The following SH3GL2 variants were observed in gnomAD, a reference collection of about 807,000 sequenced individuals.
The protein encoded by SH3GL2 is endophilin-A1.
In SH3GL2, 24 loss-of-function variants were observed where a neutral mutation model predicts 46.0. That is an observed-to-expected ratio of 0.52 (90% confidence interval 0.38 to 0.73). The LOEUF (loss-of-function observed/expected upper bound fraction) is 0.73, where lower values mean the gene tolerates loss of function less well. SH3GL2 is among the 30% of genes least tolerant of loss of function. SH3GL2 has a pLI of 0.00. For missense variants in SH3GL2, 413 were observed against 424.2 expected (o/e 0.97, Z 0.23); for synonymous variants, 196 against 147.1 (o/e 1.33, Z -2.40).
intron 1 of SH3GL2, among the ~76,000 whole-genome samples, chr9:17,636,534 T>A (rs998780787): frequency 6.6e-6 from 1 of 152,218 alleles, no homozygotes; most frequent in African/African-American, 2.4e-5. Flanking sequence ...TGGAGTCATG[T>A]CACAGTACAA....
chr9:17,672,115 A>G (rs1291482949), intron 1 of SH3GL2, among the ~76,000 whole-genome samples: 2 of 152,216 alleles, frequency 1.3e-5, no homozygotes, highest in Non-Finnish European at 2.9e-5. Flanking sequence ...TCTACTCTGC[A>G]GTGTGAGGTA....
At chr9:17,683,749 G>A (rs894047066) in intron 1 of SH3GL2, among the ~76,000 whole-genome samples, 1 of 152,024 alleles carries the variant, frequency 6.6e-6, no homozygotes, top group Non-Finnish European at 1.5e-5. Flanking sequence ...CCTCCCTAAG[G>A]TACAGGCACA....
intron 1 of SH3GL2, among the ~76,000 whole-genome samples, chr9:17,730,287 T>C (rs1336943612): frequency 6.6e-6 from 1 of 152,146 alleles, no homozygotes; most frequent in African/African-American, 2.4e-5. Context: ...GGAATGTTTT[T>C]GATTTTTTGC....
At chr9:17,591,143 A>G (rs1818473951) in intron 1 of SH3GL2, 1 of 152,182 alleles carries the variant, frequency 6.6e-6, no homozygotes, top group Non-Finnish European at 1.5e-5. Flanking sequence ...ATACATTTTC[A>G]CCAAAAAAAT....
At chr9:17,653,438 C>T (rs1820000879) in intron 1 of SH3GL2, among the ~76,000 whole-genome samples, 1 of 152,058 alleles carries the variant, frequency 6.6e-6, no homozygotes, top group Non-Finnish European at 1.5e-5. Flanking sequence ...TTTAAGATGC[C>T]ATCTGGAGAG....
At chr9:17,630,265 T>TTGAA (rs1373464957) in intron 1 of SH3GL2, 5 of 152,366 alleles carry the variant, frequency 3.3e-5, no homozygotes, top group African/African-American at 1.2e-4. Flanking sequence ...GAAATATTTA[T>TTGAA]TGAATGAATG....
intron 1 of SH3GL2, among the ~76,000 whole-genome samples, chr9:17,718,598 C>G (rs1821817954): frequency 6.6e-6 from 1 of 152,066 alleles, no homozygotes. Context: ...CATGGTGGCA[C>G]ACACTTGTAG....
chr9:17,606,430 C>T (rs1045836157), intron 1 of SH3GL2, among the ~76,000 whole-genome samples: 18 of 152,154 alleles, frequency 1.2e-4, no homozygotes, highest in Non-Finnish European at 2.6e-4. Context: ...CCAGAAGCTT[C>T]CCAAGTGTTA....
At chr9:17,766,120 A>G (rs1224708017) in intron 3 of SH3GL2, among the ~76,000 whole-genome samples, 1 of 152,226 alleles carries the variant, frequency 6.6e-6, no homozygotes, top group Non-Finnish European at 1.5e-5. Context: ...TCACAGTCTT[A>G]GTGTAAGTTA....
intron 1 of SH3GL2, among the ~76,000 whole-genome samples, chr9:17,659,494 G>A (rs371486172): frequency 3.0e-4 from 45 of 152,188 alleles, no homozygotes; most frequent in African/African-American, 1.0e-3. Context: ...GTATTCCTGG[G>A]TTGGAGAGAT....
intron 1 of SH3GL2, among the ~76,000 whole-genome samples, chr9:17,672,123 G>A (rs535882130): frequency 6.6e-6 from 1 of 152,306 alleles, no homozygotes; most frequent in South Asian, 2.1e-4. Flanking sequence ...GCAGTGTGAG[G>A]TAAATACAAT....
At chr9:17,642,329 A>C (rs1819705708) in intron 1 of SH3GL2, among the ~76,000 whole-genome samples, 1 of 152,070 alleles carries the variant, frequency 6.6e-6, no homozygotes, top group South Asian at 2.1e-4. Context: ...CTCTGATGAT[A>C]GTTTCTTTTG....
At chr9:17,623,396 T>C (rs534479091) in intron 1 of SH3GL2, among the ~76,000 whole-genome samples, 111 of 152,168 alleles carry the variant, frequency 7.3e-4, no homozygotes, top group South Asian at 5.0e-3. Flanking sequence ...GGAATTAGAT[T>C]CTATATAGGG....
At chr9:17,698,384 A>G (rs187353870) in intron 1 of SH3GL2, among the ~76,000 whole-genome samples, 5 of 152,298 alleles carry the variant, frequency 3.3e-5, no homozygotes, top group African/African-American at 9.6e-5. Flanking sequence ...TTTGGATTAC[A>G]TAACAGAGAT....
intron 3 of SH3GL2, among the ~76,000 whole-genome samples, chr9:17,768,380 A>AAG (rs1460408118): frequency 6.6e-6 from 1 of 151,726 alleles, no homozygotes; most frequent in African/African-American, 2.4e-5. Context: ...CAAAAAAAAA[A>AAG]AAAAAAAAAA....
In SH3GL2 at chr9:17,786,306, C is replaced by A. The variant is rs1588335603; in HGVS notation, c.188-75C>A. The A allele has an allele frequency of 2.1e-6, 3 of 1,412,718 alleles. No homozygotes were observed. The South Asian group carries it at 4.0e-5, about 19-fold the overall frequency. 87.5% of individuals were successfully genotyped at this position (1,412,718 alleles called of 1,614,324 possible). On this transcript the variant is annotated intron_variant, in intron 3 of 8. Coordinates refer to ENST00000380607, the MANE Select transcript of SH3GL2 (RefSeq NM_003026.5). The stretch of plus-strand genomic sequence containing the variant: ...GCTACTTTGTAGGCTGCTCTGAGAC[C>A]TGATCCTCCATCCAGCCCTATTTCC...
chr9:17,608,263 T>G (rs1333386175), intron 1 of SH3GL2, among the ~76,000 whole-genome samples: 1 of 149,022 alleles, frequency 6.7e-6, no homozygotes, highest in African/African-American at 2.5e-5. Context: ...TTCTCCTGCC[T>G]CAGCCTCCCG....
At chr9:17,609,436 C>T (rs1002184342) in intron 1 of SH3GL2, among the ~76,000 whole-genome samples, 3 of 152,080 alleles carry the variant, frequency 2.0e-5, no homozygotes, top group African/African-American at 4.8e-5. Flanking sequence ...CATATGCGTG[C>T]GTAAGCCAAG....
intron 1 of SH3GL2, among the ~76,000 whole-genome samples, chr9:17,690,733 G>A (rs926039224): frequency 4.4e-4 from 67 of 152,214 alleles, no homozygotes; most frequent in African/African-American, 1.6e-3. Context: ...CATGAAAAGT[G>A]CCGGGTACTA....
Sources: allele counts gnomAD v4.1 joint callset (sites outside exome capture counted in the v4.1 genomes callset), GRCh38; gene constraint gnomAD v4.1.1; transcripts MANE v1.5; gene names NCBI Gene and HGNC (gene_info 2026-07-23, HGNC 2026-07-21).